Variants in SVEP1 observed in about 807,000 individuals in gnomAD.
The protein encoded by SVEP1 is sushi, von Willebrand factor type A, EGF and pentraxin domain-containing protein 1.
Under a neutral mutation model 367.3 loss-of-function variants are expected in SVEP1, and 164 were observed. That is an observed-to-expected ratio of 0.45 (90% CI 0.39 to 0.51). The LOEUF is 0.51. SVEP1 is among the 20% of genes least tolerant of loss of function. SVEP1 has a pLI of 0.00. For synonymous variants in SVEP1, 1,666 were observed against 1,611.6 expected, an observed-to-expected ratio of 1.03 and a Z score of -0.81; for missense variants, 4,117 against 4,425.3, an observed-to-expected ratio of 0.93 and a Z score of 1.98.
intron 3 of SVEP1, among the ~76,000 whole-genome samples, chr9:110,533,597 T>C (rs1830046968): frequency 9.3e-6 from 1 of 107,994 alleles, no homozygotes; most frequent in East Asian, 4.8e-4. Flanking sequence ...TGTGTGTCTG[T>C]GTGTGTGTGT....
chr9:110,394,216 C>T (rs1827719569), intron 40 of SVEP1, among the ~76,000 whole-genome samples: 2 of 152,076 alleles, frequency 1.3e-5, no homozygotes, highest in South Asian at 4.2e-4. Flanking sequence ...CGCTGTTCTG[C>T]ACCCTCTGCT....
At chr9:110,563,345 G>A (rs1473456539) in intron 1 of SVEP1, among the ~76,000 whole-genome samples, 2 of 151,978 alleles carry the variant, frequency 1.3e-5, no homozygotes, top group African/African-American at 2.4e-5. Flanking sequence ...GACAAAAACT[G>A]TAATTATTAT....
chr9:110,486,658 T>C (rs909463216), intron 9 of SVEP1, among the ~76,000 whole-genome samples: 11 of 151,680 alleles, frequency 7.3e-5, no homozygotes, highest in East Asian at 5.8e-4. Context: ...TCTCTCTCTT[T>C]TTTTTTTTAG....
At chr9:110,513,162 T>TC (rs1159736077) in intron 4 of SVEP1, 57 bp from the exon 5 acceptor site, 3 of 1,477,048 alleles carry the variant, frequency 2.0e-6, no homozygotes, top group African/African-American at 1.4e-5. Context: ...CTATGACATA[T>TC]CCTTTTTTTT....
chr9:110,414,503 T>TTCATACAAA (rs1828089245), intron 36 of SVEP1, among the ~76,000 whole-genome samples: 1 of 152,046 alleles, frequency 6.6e-6, no homozygotes, highest in Non-Finnish European at 1.5e-5. Flanking sequence ...TATGAAGATC[T>TTCATACAAA]GAACTTAGCT....
intron 3 of SVEP1, among the ~76,000 whole-genome samples, chr9:110,533,187 T>C (rs1329893434): frequency 6.6e-6 from 1 of 152,060 alleles, no homozygotes; most frequent in East Asian, 1.9e-4. Flanking sequence ...AGGCCACAGA[T>C]CAGTACCGGT....
chr9:110,545,518 C>T (rs1374472822), intron 3 of SVEP1, among the ~76,000 whole-genome samples: 1 of 152,084 alleles, frequency 6.6e-6, no homozygotes, highest in Non-Finnish European at 1.5e-5. Context: ...TTTGTGGAGG[C>T]TCCTGAAGAG....
chr9:110,429,806 T>A (rs944938602), intron 34 of SVEP1, 114 bp downstream of exon 34: 18 of 778,960 alleles, frequency 2.3e-5, no homozygotes, highest in African/African-American at 5.2e-5. Context: ...AATTACATAT[T>A]AATTCAAAAA....
At chr9:110,510,739 G>T (rs1032890579) in intron 5 of SVEP1, among the ~76,000 whole-genome samples, 1 of 152,200 alleles carries the variant, frequency 6.6e-6, no homozygotes, top group African/African-American at 2.4e-5. Context: ...CTACTGAGTG[G>T]CAAGTTAAAA....
At position 110,572,066 on chromosome 9, in the gene SVEP1, C is replaced by A. The variant is rs536008494; in HGVS notation, c.531+6947G>T. Among the ~76,000 whole-genome samples the A allele has an allele frequency of 3.3e-5, 5 of 152,256 alleles. No individual in the cohort carries two copies. In the South Asian group the frequency reaches 6.2e-4, roughly 19 times the overall value. On this transcript the variant is annotated intron_variant, in intron 1 of 47. Transcript: ENST00000374469. The stretch of plus-strand genomic sequence containing the variant: ...ACACTGGACATGGAATCCCCTACTT[C>A]TCCTTAGCTTTTGATACCTACCTCC...
intron 34 of SVEP1, among the ~76,000 whole-genome samples, chr9:110,429,563 T>C (rs1828318494): frequency 1.3e-5 from 2 of 152,196 alleles, no homozygotes; most frequent in Admixed American, 6.5e-5. Context: ...GCCTTCAGTT[T>C]GTGTCATGGA....
chr9:110,510,703 T>C (rs897360823), intron 5 of SVEP1, among the ~76,000 whole-genome samples: 2 of 152,242 alleles, frequency 1.3e-5, no homozygotes, highest in Non-Finnish European at 2.9e-5. Context: ...CAGTCTTCTC[T>C]GATTTTCTCA....
At chr9:110,436,526 G>T in intron 27 of SVEP1, 22 bp from the exon 28 acceptor site, 1 of 1,608,072 alleles carries the variant, frequency 6.2e-7, no homozygotes, top group South Asian at 1.1e-5. Context: ...GAAAGAGAAA[G>T]AAAAGGAGGA....
rs953599350 is a variant in SVEP1 at position 110,563,564 on chromosome 9, C to T, written c.532-13460G>A. 1.9e-4 allele frequency among the ~76,000 whole-genome samples: 29 copies of T among 152,088 alleles called. 1 individual carries two copies. Among genetic ancestry groups the T allele is most frequent in the Admixed American group, 1.7e-3 (26 of 15,270 alleles). On this transcript the variant is annotated intron_variant, in intron 1 of 47. Transcript: ENST00000374469. ...TTTGCAAATTTATTTGCCAAATTCACAAAGAATGAGGGCAACCACACTCTG... is the reference window on the plus strand; with the variant it reads ...TTTGCAAATTTATTTGCCAAATTCATAAAGAATGAGGGCAACCACACTCTG...
At chr9:110,387,556 A>T (rs1210596018) in intron 41 of SVEP1, 98 bp from the exon 42 acceptor site, 1 of 1,296,522 alleles carries the variant, frequency 7.7e-7, no homozygotes, top group Non-Finnish European at 1.0e-6. Context: ...AATATATAAA[A>T]TATTATGGCC....
In SVEP1 at chr9:110,465,942, C is replaced by T; in HGVS notation, c.3245G>A (p.Gly1082Asp). ...CPLGTYQPKF[G>D]SRSCLSCPEN... ...TGGACACGAGAGGCAGCTCCGGGAA[C>T]CAAATTTTGGCTGATAAGTGCCCAG... is the stretch of plus-strand genomic sequence containing the variant. Residue 1082 changes from glycine to aspartate, a missense_variant, in exon 18 of 48, where the codon GGT becomes GAT. This residue lies in a region of SVEP1 where 2,174 missense variants were observed against 2,494.3 expected (regional missense o/e 0.87). Transcript: ENST00000374469. 1.2e-6 allele frequency: 2 copies of T among 1,612,892 alleles called. No individual in the cohort carries two copies. The highest frequency in any genetic ancestry group is 1.7e-6 in the Non-Finnish European group (2 of 1,179,432).
intron 18 of SVEP1, among the ~76,000 whole-genome samples, chr9:110,459,946 C>T (rs541225824): frequency 6.6e-6 from 1 of 151,828 alleles, no homozygotes; most frequent in African/African-American, 2.4e-5. Context: ...GAATATGAAT[C>T]ATTTGACACA....
At chr9:110,532,240 A>G (rs1830030655) in intron 3 of SVEP1, among the ~76,000 whole-genome samples, 1 of 152,208 alleles carries the variant, frequency 6.6e-6, no homozygotes, top group Non-Finnish European at 1.5e-5. Context: ...TTCATAGAAT[A>G]TTAGAGAAAA....
At position 110,443,644 on chromosome 9, in the gene SVEP1, C is replaced by T; in HGVS notation, c.4540G>A (p.Ala1514Thr). The T allele has an allele frequency of 6.2e-7, 1 of 1,613,094 alleles. No individual in the cohort carries two copies. Among genetic ancestry groups the T allele is most frequent in the Non-Finnish European group, 8.5e-7 (1 of 1,179,548 alleles). ...CCATTGGCACTTGTCCAAGTGATTGCAATATGATGCCATCTGCCATCATTC... is the reference window on the plus strand; with the variant it reads ...CCATTGGCACTTGTCCAAGTGATTGTAATATGATGCCATCTGCCATCATTC... ...SVNDGRWHHI[A>T]ITWTSANGIW... Residue 1514 changes from alanine (A) to threonine (T), a missense_variant, in exon 27 of 48, where the codon GCA becomes ACA. Around this residue, in one of 4 missense-constraint regions of SVEP1, gnomAD observed 2,174 missense variants for 2,494.3 expected, o/e 0.87. Coordinates refer to ENST00000374469, the MANE Select transcript of SVEP1 (RefSeq NM_153366.4).
Sources: gnomAD v4.1 joint callset for allele counts (sites outside exome capture counted in the v4.1 genomes callset) on GRCh38, gnomAD v4.1.1 for gene constraint, gnomAD v4.1.1 regional missense constraint, MANE v1.5 for transcripts, NCBI Gene and HGNC (gene_info 2026-07-23, HGNC 2026-07-21) for gene names.